Variants in CAMKK1 observed in about 807,000 individuals in gnomAD.
The protein encoded by CAMKK1 is calcium/calmodulin dependent protein kinase kinase 1.
Under a neutral mutation model 63.5 loss-of-function variants are expected in CAMKK1, and 20 were observed. That is an observed-to-expected ratio of 0.32 (90% confidence interval 0.22 to 0.46). CAMKK1 has a LOEUF of 0.46. CAMKK1 is among the 20% of genes least tolerant of loss of function. CAMKK1 has a pLI of 1.00. For synonymous variants in CAMKK1, 253 were observed against 269.0 expected (o/e 0.94, Z 0.58); for missense variants, 588 against 658.1 (o/e 0.89, Z 1.17).
At chr17:3,872,482 C>T (rs2143824702) in intron 12 of CAMKK1, 72 bp downstream of exon 12, 6 of 1,357,074 alleles carry the variant, frequency 4.4e-6, no homozygotes, top group Non-Finnish European at 6.3e-6. Context: ...CCTCAGAGGG[C>T]AAAAGCTCTG....
Position 3,883,853 on chromosome 17 carries a change from G to T in CAMKK1, c.462+31C>A. On this transcript the variant is annotated intron_variant, in intron 4 of 15. Coordinates refer to ENST00000348335, the MANE Select transcript of CAMKK1 (RefSeq NM_032294.3). This position sits in a 1 kb window ranked among gnomAD's most constrained non-coding sequence, Gnocchi z 4.7. ...CCTCAGGCTTCCAGGGCCTGGCTTG[G>T]GCAACACCTCCCTCGTATCCCCAGA... 1 of 1,612,548 alleles carries T rather than the reference G, an allele frequency of 6.2e-7. No homozygotes were observed. The highest frequency in any genetic ancestry group is 1.3e-5 in the African/African-American group (1 of 74,926).
At chr17:3,870,485 C>T (rs1222766484) in intron 12 of CAMKK1, among the ~76,000 whole-genome samples, 1 of 152,094 alleles carries the variant, frequency 6.6e-6, no homozygotes, top group Non-Finnish European at 1.5e-5. Flanking sequence ...CCTGCCTCAG[C>T]CTCCCGAGTA....
chr17:3,875,738 C>T (rs1027723908), intron 10 of CAMKK1, among the ~76,000 whole-genome samples: 11 of 152,292 alleles, frequency 7.2e-5, no homozygotes, highest in Non-Finnish European at 1.2e-4. Flanking sequence ...ACTTTGCCTA[C>T]GCTCCTGTCA....
chr17:3,891,115 G>GT (rs1484840947), intron 1 of CAMKK1, among the ~76,000 whole-genome samples: 6 of 151,870 alleles, frequency 4.0e-5, no homozygotes, highest in African/African-American at 1.5e-4. Context: ...AGGTTGGGGG[G>GT]GGGGTCACAG....
intron 9 of CAMKK1, among the ~76,000 whole-genome samples, chr17:3,877,322 G>A (rs1157744225): frequency 6.6e-6 from 1 of 152,184 alleles, no homozygotes; most frequent in Non-Finnish European, 1.5e-5. Flanking sequence ...CACAGCTGGG[G>A]TGTAAGGTCA....
Position 3,882,430 on chromosome 17 carries a change from G to T in CAMKK1, c.685+98C>A. On this transcript the variant is annotated intron_variant, in intron 7 of 15. Transcript: ENST00000348335. The surrounding 1 kb of genome is among the most constrained non-coding windows in gnomAD (Gnocchi z 4.3). Reference sequence around the variant, plus strand: ...TTTTTCTTCTGTCCCCAGGAGGTCAGTGCATTTACACCGCCCACCTGAAGG... The same window carrying T: ...TTTTTCTTCTGTCCCCAGGAGGTCATTGCATTTACACCGCCCACCTGAAGG... The T allele has an allele frequency of 1.9e-6, 3 of 1,583,058 alleles. No homozygotes were observed. The highest frequency in any genetic ancestry group is 2.6e-6 in the Non-Finnish European group (3 of 1,152,018).
In CAMKK1 at chr17:3,871,571, T is replaced by A. The variant is rs554178290; in HGVS notation, c.1124+983A>T. ...TGGGGTTTCACCGTGTTAGCCAGGA[T>A]GGTCTCGATCTCCTGACCTCGTGAT... On this transcript the variant is annotated intron_variant, in intron 12 of 15. Transcript: ENST00000348335. Among the ~76,000 whole-genome samples, 24 of 150,200 alleles carry A rather than the reference T, an allele frequency of 1.6e-4. 1 individual carries two copies. Among genetic ancestry groups the A allele is most frequent in the Admixed American group, 7.3e-4 (11 of 15,118 alleles).
intron 1 of CAMKK1, among the ~76,000 whole-genome samples, chr17:3,891,247 C>G (rs991063450): frequency 3.3e-5 from 5 of 152,120 alleles, no homozygotes; most frequent in African/African-American, 1.2e-4. Context: ...ACCAAAAAGA[C>G]CAAGTCTCTG....
At position 3,883,148 on chromosome 17, in the gene CAMKK1, G is replaced by T; in HGVS notation, c.542C>A (p.Ala181Asp). ...CTGCTTGGCTGGTCCTCCCTGGGCA[G>T]CCTGGGACCCTCTCGGGGGAGGGCG... ...PRRPPPRGSQ[A>D]AQGGPAKQLL... The change falls in exon 6 of 16, where the codon GCT becomes GAT. Residue 181 changes from alanine to aspartate, a missense_variant. Transcript: ENST00000348335. The surrounding 1 kb of genome is among the most constrained non-coding windows in gnomAD (Gnocchi z 4.7). 1.2e-6 allele frequency: 2 copies of T among 1,612,306 alleles called. No homozygotes were observed. The highest frequency in any genetic ancestry group is 1.7e-6 in the Non-Finnish European group (2 of 1,179,976).
Position 3,889,897 on chromosome 17 carries a change from C to T in CAMKK1, c.-44+3042G>A, listed in dbSNP as rs960233963. Among the ~76,000 whole-genome samples the T allele has an allele frequency of 8.5e-5, 13 of 152,320 alleles. No homozygotes were observed. Among genetic ancestry groups the T allele is most frequent in the East Asian group, 5.8e-4 (3 of 5,184 alleles). On this transcript the variant is annotated intron_variant, in intron 1 of 15. Transcript: ENST00000348335. This position sits in a 1 kb window ranked among gnomAD's most constrained non-coding sequence, Gnocchi z 5.2. ...CAGGCAGACCCTGCTGCCATCCACG[C>T]GGGTTCAAGTAGCTCCACCTGGGAG...
chr17:3,884,292 G>T lies in CAMKK1; in HGVS notation c.408+88C>A. The T allele has an allele frequency of 7.0e-7, 1 of 1,438,374 alleles. No individual in the cohort carries two copies. The highest frequency in any genetic ancestry group is 9.8e-7 in the Non-Finnish European group (1 of 1,024,250). The allele number at this position is 1,438,374 out of a possible 1,614,324, so 89.1% of individuals were successfully genotyped here. A position where few individuals can be genotyped will look rare whatever the true frequency, so the allele number is the denominator to read the frequency against. On this transcript the variant is annotated intron_variant, in intron 3 of 15. Transcript: ENST00000348335. This position sits in a 1 kb window ranked among gnomAD's most constrained non-coding sequence, Gnocchi z 4.5. Reference sequence around the variant, plus strand: ...TCCAGGCTAGGACTTGCCTGGCTCTGCCTCCCGTTCCCTCCCACACGAGAG... The same window carrying T: ...TCCAGGCTAGGACTTGCCTGGCTCTTCCTCCCGTTCCCTCCCACACGAGAG...
chr17:3,883,711 C>T lies in CAMKK1; in HGVS notation c.462+173G>A, dbSNP rs888095429. Among the ~76,000 whole-genome samples, 5 of 152,040 alleles carry T rather than the reference C, an allele frequency of 3.3e-5. No homozygotes were observed. The highest frequency in any genetic ancestry group is 5.9e-5 in the Non-Finnish European group (4 of 67,986). On this transcript the variant is annotated intron_variant, in intron 4 of 15. Coordinates refer to ENST00000348335, the MANE Select transcript of CAMKK1 (RefSeq NM_032294.3). The surrounding 1 kb of genome is among the most constrained non-coding windows in gnomAD (Gnocchi z 4.7). ...AGCTTTCCCCTCAGAGGAATCCAGT[C>T]TCTGCTTGCATATCCCCAGGGTTAG... is the stretch of plus-strand genomic sequence containing the variant.
rs2055788357 is a variant in CAMKK1, at chr17:3,889,066, T to C, written c.-43-3336A>G. Among the ~76,000 whole-genome samples, 1 of 152,028 alleles carries C rather than the reference T, an allele frequency of 6.6e-6. No individual in the cohort carries two copies. Among genetic ancestry groups the C allele is most frequent in the South Asian group, 2.1e-4 (1 of 4,828 alleles). ...ACCTATGCCCAGGGTAGGGGGGTGG[T>C]CCGCGCCCCTGGGGGCCCTGGGAGC... On this transcript the variant is annotated intron_variant, in intron 1 of 15. Transcript: ENST00000348335. The surrounding 1 kb of genome is among the most constrained non-coding windows in gnomAD (Gnocchi z 5.2).
In CAMKK1 at chr17:3,865,995, A is replaced by C; in HGVS notation, c.1358T>G (p.Met453Arg). Residue 453 changes from methionine (M) to arginine (R), a missense_variant, in exon 15 of 16, where the codon ATG (methionine) becomes AGG (arginine). This residue lies in a region of CAMKK1 where 226 missense variants were observed against 229.2 expected (regional missense o/e 0.99). Transcript: ENST00000348335. ...GTTCCCAAAGGAACGCTTCCTCAGC[A>C]TGGACTTCACCAGGATCTGAGGAGG... is the stretch of plus-strand genomic sequence containing the variant. ...SWTTVILVKS[M>R]LRKRSFGNPF... 6.2e-7 allele frequency: 1 copy of C among 1,614,136 alleles called. No individual in the cohort carries two copies. The highest frequency in any genetic ancestry group is 8.5e-7 in the Non-Finnish European group (1 of 1,180,012).
Position 3,862,312 on chromosome 17 carries a change from A to G in CAMKK1, c.1446-29T>C, listed in dbSNP as rs1427992783. 6.5e-7 allele frequency: 1 copy of G among 1,537,176 alleles called. No homozygotes were observed. Among genetic ancestry groups the G allele is most frequent in the Admixed American group, 1.9e-5 (1 of 52,118 alleles). On this transcript the variant is annotated intron_variant, in intron 15 of 15. Transcript: ENST00000348335. The surrounding 1 kb of genome is among the most constrained non-coding windows in gnomAD (Gnocchi z 4.1). ...TTCAGGGGACACCAGGGACAGAGGG[A>G]CCTCAGGGTCAGAATATGCACTCAG...
chr17:3,886,196 C>T (rs558020800), intron 1 of CAMKK1, among the ~76,000 whole-genome samples: 2 of 152,324 alleles, frequency 1.3e-5, no homozygotes, highest in South Asian at 4.1e-4. Context: ...AGAAGCCTTG[C>T]TGATGCTTCA....
chr17:3,872,375 G>A (rs1007768473), intron 12 of CAMKK1, among the ~76,000 whole-genome samples, 179 bp downstream of exon 12: 1 of 152,194 alleles, frequency 6.6e-6, no homozygotes, highest in African/African-American at 2.4e-5. Context: ...TGACGTTGCG[G>A]AGACCCTTGG....
rs530030440 is a variant in CAMKK1, at chr17:3,890,084, C to T, written c.-44+2855G>A. 1.2e-4 allele frequency among the ~76,000 whole-genome samples: 19 copies of T among 152,224 alleles called. No homozygotes were observed. The highest frequency in any genetic ancestry group is 2.5e-4 in the Non-Finnish European group (17 of 68,028). On this transcript the variant is annotated intron_variant, in intron 1 of 15. Coordinates refer to ENST00000348335, the MANE Select transcript of CAMKK1 (RefSeq NM_032294.3). The surrounding 1 kb of genome is among the most constrained non-coding windows in gnomAD (Gnocchi z 6.5). ...GGAAAGCCGCAGAGGTGGCGGCCAC[C>T]CAGGCCAGACACAGAAGGTGGTCCT...
Position 3,872,581 on chromosome 17 carries a change from T to G in CAMKK1, c.1097A>C (p.Lys366Thr). 6.2e-7 allele frequency: 1 copy of G among 1,614,030 alleles called. No individual in the cohort carries two copies. Reference sequence around the variant, plus strand: ...CTCAGGAAACACCACGGGCTCATTCTTGATCTTCCTGTGGAGGGCCAGGAT... The same window carrying G: ...CTCAGGAAACACCACGGGCTCATTCGTGATCTTCCTGTGGAGGGCCAGGAT... Reference protein sequence around the residue: ...DFILALHRKIKNEPVVFPEEP... With the variant: ...DFILALHRKITNEPVVFPEEP... The change falls in exon 12 of 16, where the codon AAG becomes ACG. Residue 366 changes from lysine to threonine, a missense_variant. Physicochemically the swap from Lys to Thr is moderately conservative, Grantham distance 78. Around this residue, in one of 3 missense-constraint regions of CAMKK1, gnomAD observed 226 missense variants for 229.2 expected, o/e 0.99. Coordinates refer to ENST00000348335, the MANE Select transcript of CAMKK1 (RefSeq NM_032294.3).
Sources: gnomAD v4.1 joint callset for allele counts (sites outside exome capture counted in the v4.1 genomes callset) on GRCh38, gnomAD v4.1.1 for gene constraint, gnomAD v4.1.1 regional missense constraint, Gnocchi (gnomAD v3.1) non-coding constraint, MANE v1.5 for transcripts, NCBI Gene and HGNC (gene_info 2026-07-23, HGNC 2026-07-21) for gene names.